The following UNC13C variants were observed in gnomAD, a reference collection of about 807,000 sequenced individuals.
UNC13C encodes the protein unc-13 homolog C, also known as protein unc-13 homolog C.
Under a neutral mutation model 245.4 loss-of-function variants are expected in UNC13C, and 174 were observed. The observed-to-expected ratio is 0.71, with a 90% confidence interval of 0.63 to 0.80. The LOEUF (loss-of-function observed/expected upper bound fraction) is 0.80, where lower values mean the gene tolerates loss of function less well. Among genes scored for constraint, UNC13C ranks in the 30% least tolerant of loss-of-function variants. UNC13C has a pLI of 0.00. For synonymous variants in UNC13C, 992 were observed against 895.1 expected (o/e 1.11, Z -1.93); for missense variants, 2,829 against 2,602.9 (o/e 1.09, Z -1.89).
chr15:53,952,158 A>G, the UNC13C span, among the ~76,000 whole-genome samples: 1 of 152,320 alleles, frequency 6.6e-6, no homozygotes, highest in East Asian at 1.9e-4. Context: ...AGAAGAAAAG[A>G]GGGCAGTATT....
intron 25 of UNC13C, among the ~76,000 whole-genome samples, chr15:54,528,274 G>T (rs1895569213): frequency 6.6e-6 from 1 of 150,698 alleles, no homozygotes; most frequent in Non-Finnish European, 1.5e-5. Flanking sequence ...TGCCACTAGG[G>T]TTTCTGCTTA....
At chr15:54,263,642 G>A (rs1483452510) in intron 8 of UNC13C, among the ~76,000 whole-genome samples, 1 of 152,148 alleles carries the variant, frequency 6.6e-6, no homozygotes, top group African/African-American at 2.4e-5. Context: ...ATTTAGTCTA[G>A]TAGTGTCCAA....
intron 28 of UNC13C, among the ~76,000 whole-genome samples, chr15:54,551,006 G>T (rs1896711476): frequency 6.6e-6 from 1 of 152,152 alleles, no homozygotes; most frequent in African/African-American, 2.4e-5. Flanking sequence ...TGTTCTATCA[G>T]CTAGAACTAT....
Position 54,143,690 on chromosome 15 carries a change from T to C in UNC13C, c.3071+6T>C. On this transcript the variant is annotated splice_donor_region_variant and intron_variant, in intron 4 of 32. Coordinates refer to ENST00000260323, the MANE Select transcript of UNC13C (RefSeq NM_001080534.3). The stretch of plus-strand genomic sequence containing the variant: ...GCACTCCAGGTGTGTGGTGGGTAAG[T>C]ACCTTCATACCTTTCTAATTTATTC... The C allele has an allele frequency of 6.2e-7, 1 of 1,609,354 alleles. No individual in the cohort carries two copies.
chr15:54,276,632 C>T (rs1374703096), intron 10 of UNC13C, among the ~76,000 whole-genome samples: 1 of 152,172 alleles, frequency 6.6e-6, no homozygotes, highest in East Asian at 1.9e-4. Context: ...CCCCAAGTTC[C>T]TTAATGGGCT....
chr15:53,840,865 C>A, the UNC13C span, among the ~76,000 whole-genome samples: 50 of 152,118 alleles, frequency 3.3e-4, no homozygotes, highest in South Asian at 9.5e-3. Context: ...GCTCTGCTCA[C>A]ATAGGAGTAA....
the UNC13C span, among the ~76,000 whole-genome samples, chr15:53,879,402 A>G: frequency 0.2 from 31,077 of 152,078 alleles, 3,592 homozygotes; most frequent in Non-Finnish European, 0.26. Flanking sequence ...GGCTCCAGCA[A>G]TCTTCCCACC....
intron 30 of UNC13C, among the ~76,000 whole-genome samples, chr15:54,617,724 C>T (rs1415062564): frequency 1.3e-5 from 2 of 152,110 alleles, no homozygotes; most frequent in South Asian, 2.1e-4. Context: ...AAGCTTAAGT[C>T]ATTGTCCATT....
intron 2 of UNC13C, among the ~76,000 whole-genome samples, chr15:54,106,494 G>T (rs1900453721): frequency 1.3e-5 from 2 of 152,212 alleles, no homozygotes; most frequent in African/African-American, 4.8e-5. Context: ...ATGACTTGCA[G>T]TGAGTTTTCT....
intron 24 of UNC13C, among the ~76,000 whole-genome samples, chr15:54,517,936 A>G (rs1295522635): frequency 6.6e-6 from 1 of 152,192 alleles, no homozygotes; most frequent in Non-Finnish European, 1.5e-5. Flanking sequence ...TGTTGTATAA[A>G]TAGAGGTAAA....
chr15:53,861,695 T>C, the UNC13C span, among the ~76,000 whole-genome samples: 1 of 152,014 alleles, frequency 6.6e-6, no homozygotes, highest in Non-Finnish European at 1.5e-5. Flanking sequence ...ACACAATGAG[T>C]TGGAAGCAGA....
At position 54,215,177 on chromosome 15, in the gene UNC13C, G is replaced by C. The variant is rs2035002944; in HGVS notation, c.3072-19853G>C. ...GTCCTAGAAGGTACATATTGTAATT[G>C]AGTTGTTAAAAGTTAATCCCTGACA... On this transcript the variant is annotated intron_variant, in intron 4 of 32. Coordinates refer to ENST00000260323, the MANE Select transcript of UNC13C (RefSeq NM_001080534.3). 2.2e-5 allele frequency among the ~76,000 whole-genome samples: 3 copies of C among 138,284 alleles called. No homozygotes were observed. In the Admixed American group the frequency reaches 2.2e-4, roughly 10 times the overall value. 90.7% of individuals were successfully genotyped at this position (138,284 alleles called of 152,430 possible).
At chr15:54,048,924 G>A in intron 2 of UNC13C, 1 of 276,096 alleles carries the variant, frequency 3.6e-6, no homozygotes, top group Non-Finnish European at 7.2e-6. Context: ...ATACCACACT[G>A]TAAATTGAGT....
chr15:54,037,612 A>G (rs1478529551), intron 2 of UNC13C, among the ~76,000 whole-genome samples: 1 of 152,118 alleles, frequency 6.6e-6, no homozygotes, highest in East Asian at 1.9e-4. Flanking sequence ...CATTTGACAT[A>G]TGGTAGGAGA....
chr15:54,171,282 A>C (rs1208214259), intron 4 of UNC13C, among the ~76,000 whole-genome samples: 1 of 152,146 alleles, frequency 6.6e-6, no homozygotes, highest in Non-Finnish European at 1.5e-5. Context: ...GCTTCTGCAT[A>C]CCAAAGGAAA....
At chr15:54,054,565 G>A (rs1897418190) in intron 2 of UNC13C, among the ~76,000 whole-genome samples, 1 of 152,114 alleles carries the variant, frequency 6.6e-6, no homozygotes, top group African/African-American at 2.4e-5. Context: ...TGGATGTTCA[G>A]CATCTACTTG....
chr15:54,181,297 T>C (rs114830570), intron 4 of UNC13C, among the ~76,000 whole-genome samples: 3,317 of 152,130 alleles, frequency 0.022, 136 homozygotes, highest in African/African-American at 0.076. Context: ...TTGTTGAAGA[T>C]CAGATGGCTG....
At chr15:54,448,352 C>A (rs988847311) in intron 19 of UNC13C, among the ~76,000 whole-genome samples, 3 of 152,164 alleles carry the variant, frequency 2.0e-5, no homozygotes, top group Admixed American at 2.0e-4. Flanking sequence ...TCTTGTTGAT[C>A]TGTCTAATGT....
At chr15:54,140,650 G>C (rs184216537) in intron 2 of UNC13C, among the ~76,000 whole-genome samples, 1 of 152,304 alleles carries the variant, frequency 6.6e-6, no homozygotes, top group Admixed American at 6.5e-5. Context: ...TTCACAGGGA[G>C]GAAACAGCAA....
Sources: gnomAD v4.1 joint callset for allele counts (sites outside exome capture counted in the v4.1 genomes callset) on GRCh38, gnomAD v4.1.1 for gene constraint, MANE v1.5 for transcripts, NCBI Gene and HGNC (gene_info 2026-07-23, HGNC 2026-07-21) for gene names.